The following CPED1 variants were observed in gnomAD, a reference collection of about 807,000 sequenced individuals.
CPED1 encodes the protein cadherin like and PC-esterase domain containing 1.
In CPED1, 114 loss-of-function variants were observed where a neutral mutation model predicts 128.2. That is an observed-to-expected ratio of 0.89 (90% CI 0.76 to 1.04). CPED1 has a LOEUF of 1.04. CPED1 is among the 50% of genes least tolerant of loss of function. The pLI is 0.00. For synonymous variants in CPED1, 462 were observed against 426.7 expected (o/e 1.08, Z -1.02); for missense variants, 1,211 against 1,207.1 (o/e 1.00, Z -0.05).
chr7:121,268,382 A>G (rs757920073), intron 21 of CPED1, among the ~76,000 whole-genome samples: 2 of 152,044 alleles, frequency 1.3e-5, no homozygotes, highest in Admixed American at 6.6e-5. Context: ...AGCACTTACT[A>G]TGTGCCAGAT....
chr7:121,059,916 T>C (rs1037861277), intron 4 of CPED1, among the ~76,000 whole-genome samples: 17 of 152,204 alleles, frequency 1.1e-4, no homozygotes, highest in African/African-American at 3.6e-4. Context: ...GGGAGCCCCT[T>C]TCTGGGCTGG....
At chr7:121,156,235 G>C (rs1386207774) in intron 16 of CPED1, among the ~76,000 whole-genome samples, 1 of 152,138 alleles carries the variant, frequency 6.6e-6, no homozygotes, top group Non-Finnish European at 1.5e-5. Context: ...GCACACTGTT[G>C]GTGGGAATGT....
At chr7:121,003,877 A>C (rs573801519) in intron 2 of CPED1, among the ~76,000 whole-genome samples, 2 of 152,328 alleles carry the variant, frequency 1.3e-5, no homozygotes, top group South Asian at 4.1e-4. Flanking sequence ...AATAGCCATG[A>C]GGGTAATAAG....
chr7:121,049,731 A>G (rs958382882), intron 4 of CPED1, among the ~76,000 whole-genome samples: 2 of 152,102 alleles, frequency 1.3e-5, no homozygotes, highest in Middle Eastern at 3.2e-3. Context: ...CTGTTTTGTC[A>G]CATACCTTTA....
chr7:121,203,239 C>T (rs550979322), intron 16 of CPED1, among the ~76,000 whole-genome samples: 35 of 152,164 alleles, frequency 2.3e-4, no homozygotes, highest in Middle Eastern at 3.4e-3. Flanking sequence ...TTCTCTAAGA[C>T]GGAGCTGTCT....
intron 16 of CPED1, among the ~76,000 whole-genome samples, chr7:121,225,695 C>G (rs1797990260): frequency 6.6e-6 from 1 of 152,094 alleles, no homozygotes; most frequent in Non-Finnish European, 1.5e-5. Flanking sequence ...TCTTTTTTCT[C>G]TAACCTTGTT....
At chr7:121,049,242 C>T (rs77798902) in intron 4 of CPED1, among the ~76,000 whole-genome samples, 2,609 of 152,216 alleles carry the variant, frequency 0.017, 61 homozygotes, top group African/African-American at 0.059. Flanking sequence ...GAACTAGCAA[C>T]ATTATAAAAG....
At chr7:121,004,899 G>A (rs941067398) in intron 2 of CPED1, among the ~76,000 whole-genome samples, 1 of 152,120 alleles carries the variant, frequency 6.6e-6, no homozygotes, top group African/African-American at 2.4e-5. Flanking sequence ...TTCTGGTCCA[G>A]CCCCCAAATC....
At position 121,047,646 on chromosome 7, in the gene CPED1, T is replaced by TTC; in HGVS notation, c.540+654_540+655insCT. Among the ~76,000 whole-genome samples the TTC allele has an allele frequency of 2.4e-5, 3 of 123,076 alleles. 1 individual carries two copies. Among genetic ancestry groups the TTC allele is most frequent in the African/African-American group, 1.1e-4 (3 of 28,006 alleles). 80.7% of individuals were successfully genotyped at this position (123,076 alleles called of 152,430 possible). A position where few individuals can be genotyped will look rare whatever the true frequency, so the allele number is the denominator to read the frequency against. On this transcript the variant is annotated intron_variant, in intron 4 of 22. Coordinates refer to ENST00000310396, the MANE Select transcript of CPED1 (RefSeq NM_024913.5). Reference sequence around the variant, plus strand: ...TACAATTCGCCATCTAGATAGCACCTTTCTTCTTCTTCTTCTTCTTCTTCT... The same window carrying TTC: ...TACAATTCGCCATCTAGATAGCACCTTCTTCTTCTTCTTCTTCTTCTTCTTCT...
intron 22 of CPED1, among the ~76,000 whole-genome samples, chr7:121,287,000 G>A (rs1370736397): frequency 6.6e-6 from 1 of 152,104 alleles, no homozygotes; most frequent in African/African-American, 2.4e-5. Context: ...AGGAGGAAGA[G>A]CCCCTTATGA....
At chr7:121,088,337 A>T (rs1448930269) in intron 5 of CPED1, among the ~76,000 whole-genome samples, 1 of 152,176 alleles carries the variant, frequency 6.6e-6, no homozygotes, top group Non-Finnish European at 1.5e-5. Flanking sequence ...AGATGATTAC[A>T]GAAAACTTGG....
intron 2 of CPED1, among the ~76,000 whole-genome samples, chr7:121,001,539 A>G (rs184701792): frequency 6.6e-6 from 1 of 152,280 alleles, no homozygotes; most frequent in East Asian, 1.9e-4. Flanking sequence ...TTAAAAAATA[A>G]TATTGCTCCG....
chr7:121,085,038 C>A (rs1245059061), intron 5 of CPED1, among the ~76,000 whole-genome samples: 3 of 149,918 alleles, frequency 2.0e-5, no homozygotes, highest in Non-Finnish European at 4.4e-5. Flanking sequence ...CCTATGTATT[C>A]ATAAGTACAA....
At chr7:121,288,194 T>A (rs1281097633) in intron 22 of CPED1, among the ~76,000 whole-genome samples, 1 of 152,214 alleles carries the variant, frequency 6.6e-6, no homozygotes, top group Non-Finnish European at 1.5e-5. Flanking sequence ...TACATCTATA[T>A]TTTGACAAAT....
chr7:121,148,883 T>C (rs1796087861), intron 16 of CPED1, among the ~76,000 whole-genome samples: 1 of 152,188 alleles, frequency 6.6e-6, no homozygotes, highest in Admixed American at 6.5e-5. Flanking sequence ...GTTTGTTTTC[T>C]TTCTGCTTTG....
At chr7:121,194,048 A>ATATTTTTTTT (rs1396095392) in intron 16 of CPED1, among the ~76,000 whole-genome samples, 3 of 47,456 alleles carry the variant, frequency 6.3e-5, no homozygotes, top group African/African-American at 2.5e-4. Context: ...ATATATATAT[A>ATATTTTTTTT]TTTTTTTTTT....
chr7:121,195,820 C>T (rs1465550942), intron 16 of CPED1, among the ~76,000 whole-genome samples: 2 of 152,124 alleles, frequency 1.3e-5, no homozygotes, highest in Non-Finnish European at 2.9e-5. Flanking sequence ...CTAACAAAAC[C>T]TCAAGCTTGG....
At chr7:121,251,839 C>T (rs1798679706) in intron 18 of CPED1, among the ~76,000 whole-genome samples, 2 of 147,864 alleles carry the variant, frequency 1.4e-5, no homozygotes, top group Non-Finnish European at 3.0e-5. Flanking sequence ...GAAAAACATT[C>T]CATGCTCATG....
At chr7:121,197,500 C>A (rs1797297030) in intron 16 of CPED1, among the ~76,000 whole-genome samples, 1 of 152,104 alleles carries the variant, frequency 6.6e-6, no homozygotes. Flanking sequence ...GATTATCCTT[C>A]TTTTCATACT....
Sources: allele counts gnomAD v4.1 joint callset (sites outside exome capture counted in the v4.1 genomes callset), GRCh38; gene constraint gnomAD v4.1.1; transcripts MANE v1.5; gene names NCBI Gene and HGNC (gene_info 2026-07-23, HGNC 2026-07-21).